The following EPB41L2 variants were observed in gnomAD, a reference collection of about 807,000 sequenced individuals.
The protein encoded by EPB41L2 is band 4.1-like protein 2.
In EPB41L2, 43 loss-of-function variants were observed where a neutral mutation model predicts 113.0. The observed-to-expected ratio is 0.38, with a 90% CI of 0.30 to 0.49. The LOEUF is 0.49. Ranked by LOEUF, EPB41L2 falls within the 20% of genes least tolerant of loss-of-function variation. The probability of loss-of-function intolerance (pLI) is 0.95; values close to 1 mark genes in which losing one functional copy is unlikely to be tolerated. For synonymous variants in EPB41L2, 442 were observed against 436.7 expected, an observed-to-expected ratio of 1.01 and a Z score of -0.15; for missense variants, 1,147 against 1,223.4, an observed-to-expected ratio of 0.94 and a Z score of 0.93.
At chr6:130,843,773 T>A (rs1776207785) in intron 19 of EPB41L2, among the ~76,000 whole-genome samples, 2 of 152,220 alleles carry the variant, frequency 1.3e-5, no homozygotes, top group African/African-American at 4.8e-5. Flanking sequence ...TGAGAATAGA[T>A]CAATGTGGCT....
intron 1 of EPB41L2, among the ~76,000 whole-genome samples, chr6:131,040,479 A>T (rs1794251979): frequency 6.6e-6 from 1 of 152,154 alleles, no homozygotes; most frequent in African/African-American, 2.4e-5. Context: ...AGGTATGTGT[A>T]TTTTACCACA....
chr6:131,034,113 T>C (rs1449104489), intron 1 of EPB41L2, among the ~76,000 whole-genome samples: 1 of 152,186 alleles, frequency 6.6e-6, no homozygotes, highest in African/African-American at 2.4e-5. Flanking sequence ...AAAGTCAGCA[T>C]GCCAGTTTCT....
At chr6:131,047,106 T>C (rs1424952751) in intron 1 of EPB41L2, among the ~76,000 whole-genome samples, 4 of 152,298 alleles carry the variant, frequency 2.6e-5, no homozygotes, top group East Asian at 3.9e-4. Flanking sequence ...AGTTTTCTTA[T>C]AGGATACTTA....
At chr6:130,998,250 A>G (rs1783595521) in intron 1 of EPB41L2, among the ~76,000 whole-genome samples, 1 of 152,236 alleles carries the variant, frequency 6.6e-6, no homozygotes, top group African/African-American at 2.4e-5. Flanking sequence ...AGATCTTTTG[A>G]ATTCCAAGAC....
At chr6:130,956,879 G>A (rs779316366) in intron 1 of EPB41L2, among the ~76,000 whole-genome samples, 9 of 152,052 alleles carry the variant, frequency 5.9e-5, no homozygotes, top group Non-Finnish European at 1.2e-4. Flanking sequence ...TCTGTACTTG[G>A]TATTCTTTAT....
intron 15 of EPB41L2, chr6:130,868,542 A>G (rs1784644806): frequency 6.6e-6 from 1 of 152,232 alleles, no homozygotes; most frequent in Admixed American, 6.5e-5. Context: ...GAATAGTTCA[A>G]AGTGTTCAAA....
intron 18 of EPB41L2, among the ~76,000 whole-genome samples, chr6:130,859,704 A>G (rs1176763778): frequency 6.6e-6 from 1 of 152,044 alleles, no homozygotes; most frequent in Non-Finnish European, 1.5e-5. Flanking sequence ...TAAGGATACT[A>G]AACAGAAACC....
At chr6:131,008,855 C>T (rs1290116150) in intron 1 of EPB41L2, among the ~76,000 whole-genome samples, 1 of 152,192 alleles carries the variant, frequency 6.6e-6, no homozygotes, top group Non-Finnish European at 1.5e-5. Flanking sequence ...ATGGTAAATA[C>T]CCAATGCCTG....
intron 3 of EPB41L2, among the ~76,000 whole-genome samples, chr6:130,944,670 T>C (rs539951524): frequency 7.9e-5 from 12 of 151,560 alleles, no homozygotes; most frequent in African/African-American, 2.9e-4. Context: ...AAATGTGGAG[T>C]TGGTAGGGTC....
chr6:130,866,365 T>A (rs1056393998), intron 16 of EPB41L2, among the ~76,000 whole-genome samples: 3 of 152,216 alleles, frequency 2.0e-5, no homozygotes, highest in Non-Finnish European at 1.5e-5. Flanking sequence ...TCACGAAACA[T>A]ATTTGCCCTC....
intron 1 of EPB41L2, among the ~76,000 whole-genome samples, chr6:131,007,640 T>A (rs1785905380): frequency 6.6e-6 from 1 of 152,164 alleles, no homozygotes; most frequent in Non-Finnish European, 1.5e-5. Flanking sequence ...GATAGTAATA[T>A]GGGACAATGA....
intron 10 of EPB41L2, among the ~76,000 whole-genome samples, chr6:130,893,746 C>G (rs1446871847): frequency 6.6e-6 from 1 of 152,148 alleles, no homozygotes; most frequent in African/African-American, 2.4e-5. Context: ...GACTAGCAGA[C>G]AGAGAAGGTA....
intron 1 of EPB41L2, among the ~76,000 whole-genome samples, chr6:131,052,273 G>A (rs1384805863): frequency 6.6e-6 from 1 of 152,146 alleles, no homozygotes; most frequent in African/African-American, 2.4e-5. Context: ...TCCAAAAACA[G>A]TTCTGGTTAC....
chr6:130,848,196 CT>C (rs1777629565), intron 19 of EPB41L2, among the ~76,000 whole-genome samples: 1 of 106,336 alleles, frequency 9.4e-6, no homozygotes, highest in African/African-American at 5.6e-5. Flanking sequence ...CTCTCTCTCT[CT>C]CTCACACACA....
At chr6:130,949,183 T>C (rs1813956299) in intron 3 of EPB41L2, among the ~76,000 whole-genome samples, 2 of 152,124 alleles carry the variant, frequency 1.3e-5, no homozygotes, top group Admixed American at 1.3e-4. Context: ...CGCTGTAACA[T>C]AAAACTGGAA....
intron 11 of EPB41L2, among the ~76,000 whole-genome samples, chr6:130,886,308 C>CT (rs1310711221): frequency 1.3e-5 from 2 of 152,150 alleles, no homozygotes; most frequent in Non-Finnish European, 2.9e-5. Flanking sequence ...TTCACCTGCC[C>CT]TGTCCAAAAC....
At chr6:130,929,205 C>T (rs1805846284) in intron 3 of EPB41L2, among the ~76,000 whole-genome samples, 1 of 152,010 alleles carries the variant, frequency 6.6e-6, no homozygotes, top group African/African-American at 2.4e-5. Flanking sequence ...TATCAGAACA[C>T]CAGGAATGGA....
At chr6:131,057,561 T>C (rs1797832731) in intron 1 of EPB41L2, among the ~76,000 whole-genome samples, 1 of 152,198 alleles carries the variant, frequency 6.6e-6, no homozygotes, top group African/African-American at 2.4e-5. Context: ...TTCAGCACTG[T>C]TGTTATAATG....
At chr6:130,947,404 AC>A (rs1813310325) in intron 3 of EPB41L2, among the ~76,000 whole-genome samples, 1 of 152,206 alleles carries the variant, frequency 6.6e-6, no homozygotes, top group African/African-American at 2.4e-5. Context: ...AAGAAAAAGA[AC>A]AAACAATAAC....
Sources: allele counts gnomAD v4.1 joint callset (sites outside exome capture counted in the v4.1 genomes callset), GRCh38; gene constraint gnomAD v4.1.1; transcripts MANE v1.5; gene names NCBI Gene and HGNC (gene_info 2026-07-23, HGNC 2026-07-21).